Variants in SUSD4 observed in about 807,000 individuals in gnomAD.
SUSD4 encodes sushi domain-containing protein 4.
A neutral mutation model predicts 50.5 loss-of-function variants in SUSD4; 41 were observed. That is an observed-to-expected ratio of 0.81 (90% CI 0.63 to 1.05). The LOEUF is 1.05. Ranked by LOEUF, SUSD4 falls within the 50% of genes least tolerant of loss-of-function variation. The pLI is 0.00. For synonymous variants in SUSD4, 257 were observed against 257.3 expected (o/e 1.00, Z 0.01); for missense variants, 580 against 634.7 (o/e 0.91, Z 0.93).
At chr1:223,282,100 G>C (rs1571965111) in intron 3 of SUSD4, among the ~76,000 whole-genome samples, 1 of 152,164 alleles carries the variant, frequency 6.6e-6, no homozygotes, top group Middle Eastern at 3.4e-3. Context: ...AAAATAATAA[G>C]AGCTATTTAT....
intron 2 of SUSD4, among the ~76,000 whole-genome samples, chr1:223,327,640 G>A (rs746754638): frequency 1.2e-4 from 19 of 152,178 alleles, no homozygotes; most frequent in African/African-American, 4.6e-4. Flanking sequence ...AACCCAGCAA[G>A]GGGCACAAGG....
At position 223,223,438 on chromosome 1, in the gene SUSD4, C is replaced by T; in HGVS notation, c.1255G>A (p.Asp419Asn). ...GACTCCCCTGGGCCTGTGTCCGTGT[C>T]CCCTGAGCCGGGGTATGCTGGGGGG... Reference protein sequence around the residue: ...QSPPAYPGSGDTDTGPGESET... With the variant: ...QSPPAYPGSGNTDTGPGESET... The change falls in exon 8 of 9, where the codon GAC (aspartate) becomes AAC (asparagine). Residue 419 changes from aspartate to asparagine, a missense_variant. Coordinates refer to ENST00000366878, the MANE Select transcript of SUSD4 (RefSeq NM_017982.4). The T allele has an allele frequency of 6.2e-7, 1 of 1,614,020 alleles. No homozygotes were observed. The highest frequency in any genetic ancestry group is 8.5e-7 in the Non-Finnish European group (1 of 1,179,952).
chr1:223,307,106 C>T (rs1288021925), intron 2 of SUSD4, among the ~76,000 whole-genome samples: 1 of 151,914 alleles, frequency 6.6e-6, no homozygotes, highest in Non-Finnish European at 1.5e-5. Context: ...TAGGTGGCTC[C>T]CTCCTTGGCC....
At chr1:223,248,739 C>T (rs530561101) in intron 5 of SUSD4, among the ~76,000 whole-genome samples, 4 of 152,234 alleles carry the variant, frequency 2.6e-5, no homozygotes, top group Admixed American at 6.5e-5. Flanking sequence ...CAATAGTACC[C>T]AGCAGCGCTG....
upstream of SUSD4, among the ~76,000 whole-genome samples, chr1:223,365,140 A>AG (rs1336818957): frequency 6.6e-6 from 1 of 151,994 alleles, no homozygotes; most frequent in Non-Finnish European, 1.5e-5. Flanking sequence ...TGGGAAGCCA[A>AG]GGGGGTCGGT....
intron 2 of SUSD4, among the ~76,000 whole-genome samples, chr1:223,356,685 A>T (rs1668686667): frequency 6.6e-6 from 1 of 152,202 alleles, no homozygotes. Context: ...AAGAGGAAAC[A>T]AAGAGGAAAG....
At chr1:223,237,401 G>A (rs567447092) in intron 5 of SUSD4, among the ~76,000 whole-genome samples, 4 of 152,096 alleles carry the variant, frequency 2.6e-5, no homozygotes, top group South Asian at 2.1e-4. Flanking sequence ...ACGGAGTGAT[G>A]AGAAAGAACA....
chr1:223,268,649 C>T lies in SUSD4; in HGVS notation c.388G>A (p.Ala130Thr). 6.2e-7 allele frequency: 1 copy of T among 1,612,736 alleles called. No homozygotes were observed. The highest frequency in any genetic ancestry group is 8.5e-7 in the Non-Finnish European group (1 of 1,179,612). Residue 130 changes from alanine to threonine, a missense_variant, in exon 4 of 9, where the codon GCT (alanine) becomes ACT (threonine). Ala to Thr is a moderately conservative substitution (Grantham distance 58, BLOSUM62 0). Coordinates refer to ENST00000366878, the MANE Select transcript of SUSD4 (RefSeq NM_017982.4). ...CTATATGTCTTGTTATGAATCTCAG[C>T]ATCTTCGATTTGAGGGATACGGCAA... Reference protein sequence around the residue: ...EDCRIPQIEDAEIHNKTYRHG... With the variant: ...EDCRIPQIEDTEIHNKTYRHG...
At position 223,268,028 on chromosome 1, in the gene SUSD4, TATATATATATATATAC is replaced by T. The variant is rs1558197117; in HGVS notation, c.535+458_535+473del. Among the ~76,000 whole-genome samples, 4 of 86,818 alleles carry T rather than the reference TATATATATATATATAC, an allele frequency of 4.6e-5. 1 individual carries two copies. Among genetic ancestry groups the T allele is most frequent in the South Asian group, 4.1e-4 (1 of 2,458 alleles). The allele number at this position is 86,818 out of a possible 152,430, so 57.0% of individuals were successfully genotyped here. A position where few individuals can be genotyped will look rare whatever the true frequency, so the allele number is the denominator to read the frequency against. On this transcript the variant is annotated intron_variant, in intron 4 of 8. Transcript: ENST00000366878. ...CATGCATTTTTTATATATATATATATATATATATATATATACACACACACTGTTAAGAGAAAACAGC... is the reference window on the plus strand; with the variant it reads ...CATGCATTTTTTATATATATATATATACACACACTGTTAAGAGAAAACAGC...
At chr1:223,241,229 C>G (rs1450490529) in intron 5 of SUSD4, among the ~76,000 whole-genome samples, 1 of 152,290 alleles carries the variant, frequency 6.6e-6, no homozygotes, top group Non-Finnish European at 1.5e-5. Context: ...TTCTCCTCCC[C>G]CTGCCAGAAG....
At chr1:223,245,172 A>C (rs186264195) in intron 5 of SUSD4, among the ~76,000 whole-genome samples, 13 of 151,966 alleles carry the variant, frequency 8.6e-5, no homozygotes. Context: ...ATTGCATTTA[A>C]ATAATGCAAT....
chr1:223,223,751 T>G (rs896599090), intron 7 of SUSD4, 120 bp from the exon 8 acceptor site: 6 of 1,236,692 alleles, frequency 4.9e-6, no homozygotes, highest in Non-Finnish European at 6.5e-6. Context: ...GAGTCCCGTA[T>G]GGAGGATAAT....
intron 2 of SUSD4, among the ~76,000 whole-genome samples, chr1:223,329,895 T>C (rs991153164): frequency 6.6e-6 from 1 of 151,968 alleles, no homozygotes; most frequent in African/African-American, 2.4e-5. Flanking sequence ...AATGGCAGTA[T>C]AGATGAATGG....
chr1:223,221,341 T>TTTAAAATGCTGAAACAAAACA lies in SUSD4; in HGVS notation c.*830_*850dup, dbSNP rs1385349128. Reference sequence around the variant, plus strand: ...TGAGATAAATGTTAAGTGGAGTCTTTTTAAAATGCTGAAACAAAACATTAC... The same window carrying TTTAAAATGCTGAAACAAAACA: ...TGAGATAAATGTTAAGTGGAGTCTTTTTAAAATGCTGAAACAAAACATTAAAATGCTGAAACAAAACATTAC... On this transcript the variant is annotated 3_prime_UTR_variant, in exon 9 of 9. Coordinates refer to ENST00000366878, the MANE Select transcript of SUSD4 (RefSeq NM_017982.4). The TTTAAAATGCTGAAACAAAACA allele has an allele frequency of 1.1e-5, 4 of 374,466 alleles. No individual in the cohort carries two copies. The highest frequency in any genetic ancestry group is 1.9e-5 in the Non-Finnish European group (4 of 211,360). 23.2% of individuals were successfully genotyped at this position (374,466 alleles called of 1,614,324 possible). A position where few individuals can be genotyped will look rare whatever the true frequency, so the allele number is the denominator to read the frequency against.
rs1220316600 is a variant in SUSD4 at position 223,262,847 on chromosome 1, G to A, written c.724+1783C>T. Among the ~76,000 whole-genome samples, 4 of 152,200 alleles carry A rather than the reference G, an allele frequency of 2.6e-5. No homozygotes were observed. The East Asian group carries it at 7.7e-4, about 29-fold the overall frequency. ...GACGCTAAGTGGCCTTCCTGGCACAGGCAGCTGTCAGCCAGGGTTTTCCCA... is the reference window on the plus strand; with the variant it reads ...GACGCTAAGTGGCCTTCCTGGCACAAGCAGCTGTCAGCCAGGGTTTTCCCA... On this transcript the variant is annotated intron_variant, in intron 5 of 8. Transcript: ENST00000366878.
At chr1:223,271,925 A>C (rs761082560) in intron 3 of SUSD4, among the ~76,000 whole-genome samples, 7 of 152,198 alleles carry the variant, frequency 4.6e-5, no homozygotes, top group South Asian at 2.1e-4. Context: ...GCATAAACTA[A>C]TCTAGTCAAT....
intron 5 of SUSD4, among the ~76,000 whole-genome samples, chr1:223,251,554 A>T (rs552036780): frequency 1.3e-5 from 2 of 152,316 alleles, no homozygotes; most frequent in South Asian, 2.1e-4. Context: ...TGTCCTTATA[A>T]GAAGAAGAGG....
intron 5 of SUSD4, among the ~76,000 whole-genome samples, chr1:223,241,062 C>T (rs1660546368): frequency 6.6e-6 from 1 of 152,146 alleles, no homozygotes; most frequent in South Asian, 2.1e-4. Flanking sequence ...TTAGGTGGTA[C>T]AGGATGGCTA....
chr1:223,335,778 C>T (rs150894110), intron 2 of SUSD4, among the ~76,000 whole-genome samples: 6 of 152,206 alleles, frequency 3.9e-5, no homozygotes, highest in East Asian at 1.9e-4. Flanking sequence ...GCAAACCTAG[C>T]GAAGAGTCAG....
Sources: gnomAD v4.1 joint callset for allele counts (sites outside exome capture counted in the v4.1 genomes callset) on GRCh38, gnomAD v4.1.1 for gene constraint, MANE v1.5 for transcripts, NCBI Gene and HGNC (gene_info 2026-07-23, HGNC 2026-07-21) for gene names.